Variants in DGKH observed in about 807,000 individuals in gnomAD.
The protein encoded by DGKH is DAG kinase eta.
A neutral mutation model predicts 159.3 loss-of-function variants in DGKH; 90 were observed. That is an observed-to-expected ratio of 0.57 (90% CI 0.48 to 0.67). DGKH has a LOEUF of 0.67. Among genes scored for constraint, DGKH ranks in the 30% least tolerant of loss-of-function variants. The pLI, the probability that DGKH is intolerant of heterozygous loss-of-function variation, is 0.00. For missense variants in DGKH, 1,181 were observed against 1,506.1 expected (o/e 0.78, Z 3.57); for synonymous variants, 536 against 553.8 (o/e 0.97, Z 0.45).
rs1954170238 is a variant in DGKH at position 42,080,025 on chromosome 13, C to G, written c.192+31060C>G. Among the ~76,000 whole-genome samples, 3 of 152,174 alleles carry G rather than the reference C, an allele frequency of 2.0e-5. No individual in the cohort carries two copies. The South Asian group carries it at 6.2e-4, about 31-fold the overall frequency. Reference sequence around the variant, plus strand: ...TTTTTATTGTGGAAAAACCTGAGGTCAGCCTGATTTTCTCACGTTGCTTTT... The same window carrying G: ...TTTTTATTGTGGAAAAACCTGAGGTGAGCCTGATTTTCTCACGTTGCTTTT... On this transcript the variant is annotated intron_variant, in intron 1 of 29. Coordinates refer to ENST00000337343, the MANE Select transcript of DGKH (RefSeq NM_178009.5).
At position 42,221,658 on chromosome 13, in the gene DGKH, T is replaced by C. The variant is rs568988621; in HGVS notation, c.3573+264T>C. 3.9e-5 allele frequency among the ~76,000 whole-genome samples: 6 copies of C among 152,366 alleles called. No homozygotes were observed. In the East Asian group the frequency reaches 1.2e-3, roughly 29 times the overall value. On this transcript the variant is annotated intron_variant, in intron 29 of 29. Transcript: ENST00000337343. ...TCTCTGCATCTAGTGATATGACTGT[T>C]GCTGTGCTAGTATTTCCAAATGGAT... is the stretch of plus-strand genomic sequence containing the variant.
intron 1 of DGKH, among the ~76,000 whole-genome samples, chr13:42,096,235 C>T (rs751025810): frequency 6.6e-6 from 1 of 151,574 alleles, no homozygotes; most frequent in Non-Finnish European, 1.5e-5. Context: ...ATTTTTTAAC[C>T]CCTCCCCACC....
chr13:42,191,087 G>T (rs1417982506), intron 16 of DGKH, among the ~76,000 whole-genome samples: 3 of 152,164 alleles, frequency 2.0e-5, no homozygotes, highest in Admixed American at 6.5e-5. Context: ...GTAAGGAAAT[G>T]AATATGTAAT....
upstream of DGKH, among the ~76,000 whole-genome samples, chr13:42,045,181 T>C (rs1404034875): frequency 6.6e-6 from 1 of 152,176 alleles, no homozygotes; most frequent in Non-Finnish European, 1.5e-5. Flanking sequence ...TGCATGTCTG[T>C]AGTCCCAGGT....
intron 29 of DGKH, among the ~76,000 whole-genome samples, chr13:42,251,617 T>C (rs567075134): frequency 6.6e-6 from 1 of 152,192 alleles, no homozygotes; most frequent in African/African-American, 2.4e-5. Flanking sequence ...ACACACTACA[T>C]ACAGATATGC....
chr13:42,119,572 A>G (rs1246474403), intron 1 of DGKH, among the ~76,000 whole-genome samples: 1 of 152,204 alleles, frequency 6.6e-6, no homozygotes, highest in Admixed American at 6.5e-5. Context: ...ACTAGAAGCT[A>G]CATTATCCTC....
chr13:42,087,044 AAC>A (rs71298957), intron 1 of DGKH, among the ~76,000 whole-genome samples: 18,979 of 140,036 alleles, frequency 0.14, 1,343 homozygotes, highest in Non-Finnish European at 0.17. Flanking sequence ...CCAGAAGGAA[AAC>A]ACACACACAC....
At chr13:42,055,967 C>T (rs1173145641) in intron 1 of DGKH, among the ~76,000 whole-genome samples, 1 of 152,132 alleles carries the variant, frequency 6.6e-6, no homozygotes, top group African/African-American at 2.4e-5. Context: ...TTTAGCAAAA[C>T]AAGGAGACCC....
chr13:42,124,033 A>T (rs1955125021), intron 1 of DGKH, among the ~76,000 whole-genome samples: 1 of 152,248 alleles, frequency 6.6e-6, no homozygotes, highest in Non-Finnish European at 1.5e-5. Flanking sequence ...TAATATGATC[A>T]TGATATCTCA....
chr13:42,160,416 G>A (rs1956150684), intron 7 of DGKH, among the ~76,000 whole-genome samples: 1 of 152,180 alleles, frequency 6.6e-6, no homozygotes, highest in East Asian at 1.9e-4. Context: ...TCAACAAAGT[G>A]ATTTGCTGTA....
In DGKH at chr13:42,215,646, G is replaced by C. The variant is rs748202695; in HGVS notation, c.3192G>C (p.Leu1064Phe). 8.1e-6 allele frequency: 13 copies of C among 1,610,642 alleles called. No individual in the cohort carries two copies. Among genetic ancestry groups the C allele is most frequent in the Non-Finnish European group, 1.1e-5 (13 of 1,178,074 alleles). ...VKALYNETES[L>F]LVGRVPLQLE... Reference sequence around the variant, plus strand: ...CGCTGTATAATGAAACAGAATCTTTGCTAGTTGGCAGGGTTCCTTTGGTAA... The same window carrying C: ...CGCTGTATAATGAAACAGAATCTTTCCTAGTTGGCAGGGTTCCTTTGGTAA... Residue 1064 changes from leucine (L) to phenylalanine (F), a missense_variant, in exon 26 of 30, where the codon TTG becomes TTC. Around this residue, in one of 5 missense-constraint regions of DGKH, gnomAD observed 335 missense variants for 495.2 expected, o/e 0.68. Transcript: ENST00000337343.
intron 1 of DGKH, among the ~76,000 whole-genome samples, chr13:42,053,423 ACT>A (rs536407526): frequency 7.0e-4 from 102 of 146,314 alleles, no homozygotes; most frequent in Admixed American, 1.9e-3. Context: ...TATATATGTA[ACT>A]CTATATGTAG....
At chr13:42,202,450 A>T (rs1434839038) in intron 20 of DGKH, among the ~76,000 whole-genome samples, 1 of 152,078 alleles carries the variant, frequency 6.6e-6, no homozygotes, top group Non-Finnish European at 1.5e-5. Flanking sequence ...CCTCCCCGTT[A>T]TGTTGTTGGT....
rs118114363 is a variant in DGKH, at chr13:42,212,765, C to T, written c.3015-1742C>T. Among the ~76,000 whole-genome samples, 719 of 152,214 alleles carry T rather than the reference C, an allele frequency of 4.7e-3. 4 individuals carry two copies. Among genetic ancestry groups the T allele is most frequent in the South Asian group, 6.2e-3 (30 of 4,820 alleles). On this transcript the variant is annotated intron_variant, in intron 24 of 29. Transcript: ENST00000337343. ...ATTTGACAGCCCTACTTAATTGGCT[C>T]ACAGATTAGTAGGAGGGAGAAATGT...
intron 25 of DGKH, among the ~76,000 whole-genome samples, chr13:42,215,135 A>G (rs542536121): frequency 6.6e-6 from 1 of 151,590 alleles, no homozygotes; most frequent in Non-Finnish European, 1.5e-5. Context: ...GTACAATGCT[A>G]TAGTATGGAG....
chr13:42,162,567 G>A (rs1044269672), intron 7 of DGKH, among the ~76,000 whole-genome samples: 1 of 152,024 alleles, frequency 6.6e-6, no homozygotes, highest in Non-Finnish European at 1.5e-5. Flanking sequence ...ACTTTGGGAG[G>A]CCAAGGCGGG....
chr13:42,206,975 T>TTTCCTTTCTTTC (rs1555275938), intron 21 of DGKH, among the ~76,000 whole-genome samples: 25 of 82,312 alleles, frequency 3.0e-4, no homozygotes, highest in Non-Finnish European at 3.4e-4. Context: ...TACTTTTACT[T>TTTCCTTTCTTTC]TTTCTTTCTT....
At position 42,211,555 on chromosome 13, in the gene DGKH, G is replaced by A. The variant is rs145262312; in HGVS notation, c.3014+790G>A. On this transcript the variant is annotated intron_variant, in intron 24 of 29. Coordinates refer to ENST00000337343, the MANE Select transcript of DGKH (RefSeq NM_178009.5). ...TCTACTAAAAATACAAAAATTTGCC[G>A]TGTGTGGTGGTGGGCACCTGCAGTC... Among the ~76,000 whole-genome samples the A allele has an allele frequency of 8.6e-3, 1,307 of 152,106 alleles. 13 individuals are homozygous for A. Among genetic ancestry groups the A allele is most frequent in the Non-Finnish European group, 0.015 (1,001 of 67,984 alleles).
chr13:42,173,948 TGTGTGTGTGTGCGTGC>T (rs1956530636), intron 11 of DGKH, 96 bp from the exon 12 acceptor site: 3 of 621,230 alleles, frequency 4.8e-6, no homozygotes, highest in Non-Finnish European at 5.6e-6. Flanking sequence ...TGAATGTGTG[TGTGTGTGTGTGCGTGC>T]GTGTGTGTGT....
Sources: allele counts gnomAD v4.1 joint callset (sites outside exome capture counted in the v4.1 genomes callset), GRCh38; gene constraint gnomAD v4.1.1; regional missense constraint gnomAD v4.1.1; transcripts MANE v1.5; gene names NCBI Gene and HGNC (gene_info 2026-07-23, HGNC 2026-07-21).